The following LRRC51 variants were observed in gnomAD, a reference collection of about 807,000 sequenced individuals.
The protein encoded by LRRC51 is leucine-rich repeat-containing protein 51.
In LRRC51, 8 loss-of-function variants were observed where a neutral mutation model predicts 17.8. That is an observed-to-expected ratio of 0.45 (90% CI 0.26 to 0.81). The LOEUF is 0.81. LRRC51 is among the 30% of genes least tolerant of loss of function. The pLI, the probability that LRRC51 is intolerant of heterozygous loss-of-function variation, is 0.17. For missense variants in LRRC51, 233 were observed against 239.3 expected (o/e 0.97, Z 0.17); for synonymous variants, 92 against 96.0 (o/e 0.96, Z 0.24).
At chr11:72,088,596 G>A (rs970551437) in intron 2 of LRRC51, 4 of 590,506 alleles carry the variant, frequency 6.8e-6, no homozygotes, top group African/African-American at 3.7e-5. Context: ...GATTTGTTAA[G>A]CAATAGAATA....
At chr11:72,086,667 T>A (rs984889532) in intron 1 of LRRC51, among the ~76,000 whole-genome samples, 2 of 152,230 alleles carry the variant, frequency 1.3e-5, no homozygotes, top group Admixed American at 1.3e-4. Flanking sequence ...TGGGGCTCCA[T>A]TTTTAATACT....
chr11:72,086,895 G>T (rs1055563136), intron 1 of LRRC51, among the ~76,000 whole-genome samples: 1 of 152,198 alleles, frequency 6.6e-6, no homozygotes, highest in Non-Finnish European at 1.5e-5. Context: ...CAAATCTGCT[G>T]TAGGTGCTGA....
At chr11:72,082,306 G>T (rs186171957) in intron 1 of LRRC51, among the ~76,000 whole-genome samples, 4 of 152,180 alleles carry the variant, frequency 2.6e-5, no homozygotes, top group Non-Finnish European at 5.9e-5. Flanking sequence ...TGACTAGCTG[G>T]CCCTGACTGG....
At chr11:72,081,874 C>G (rs1261184115) in intron 1 of LRRC51, among the ~76,000 whole-genome samples, 4 of 152,156 alleles carry the variant, frequency 2.6e-5, no homozygotes, top group African/African-American at 9.7e-5. Context: ...TTTTGATACT[C>G]TTAACAGCTC....
At chr11:72,081,437 GAAACAAAACAA>G (rs1565309944) in intron 1 of LRRC51, among the ~76,000 whole-genome samples, 2 of 151,902 alleles carry the variant, frequency 1.3e-5, no homozygotes, top group Admixed American at 6.6e-5. Context: ...AAAACAAAAC[GAAACAAAACAA>G]AAACAAAACA....
chr11:72,090,638 A>G (rs986626164), intron 3 of LRRC51, among the ~76,000 whole-genome samples: 2 of 152,194 alleles, frequency 1.3e-5, no homozygotes, highest in Non-Finnish European at 2.9e-5. Flanking sequence ...GGGATACAAT[A>G]GAGTTTGGGG....
At chr11:72,088,902 A>G (rs1591144380) in intron 2 of LRRC51, 127 bp from the exon 3 acceptor site, 4 of 1,105,954 alleles carry the variant, frequency 3.6e-6, no homozygotes, top group Non-Finnish European at 5.2e-6. Flanking sequence ...GAGTGATTTC[A>G]TATCTTAAAA....
rs952533163 is a variant in LRRC51, at chr11:72,080,868, G to C, written c.-157G>C. 5 of 152,488 alleles carry C rather than the reference G, an allele frequency of 3.3e-5. No individual in the cohort carries two copies. 9.4% of individuals were successfully genotyped at this position (152,488 alleles called of 1,614,324 possible). On this transcript the variant is annotated 5_prime_UTR_variant, in exon 1 of 6. Coordinates refer to ENST00000289488, the MANE Select transcript of LRRC51 (RefSeq NM_145309.6). ...CTGAGGCAGTGGGACGCCAAGACTG[G>C]AGAGGAAGCGACTGCGGGTGAGTCG...
chr11:72,096,688 T>A lies in LRRC51; in HGVS notation c.*1168T>A. Reference sequence around the variant, plus strand: ...ACTTTTCAGCTTAGAGATTTGGGGGTTAAAGTAGATCAGTAATTTCCAAAC... The same window carrying A: ...ACTTTTCAGCTTAGAGATTTGGGGGATAAAGTAGATCAGTAATTTCCAAAC... On this transcript the variant is annotated 3_prime_UTR_variant, in exon 6 of 6. Coordinates refer to ENST00000289488, the MANE Select transcript of LRRC51 (RefSeq NM_145309.6). 1 of 1,547,686 alleles carries A rather than the reference T, an allele frequency of 6.5e-7. No individual in the cohort carries two copies. The highest frequency in any genetic ancestry group is 1.2e-5 in the South Asian group (1 of 83,284).
chr11:72,095,225 G>A, intron 5 of LRRC51, 129 bp downstream of exon 5: 1 of 1,562,220 alleles, frequency 6.4e-7, no homozygotes, highest in Non-Finnish European at 8.7e-7. Context: ...AGACCTCTAA[G>A]CATTCCTTGC....
At chr11:72,084,050 G>A (rs1369776973) in intron 1 of LRRC51, among the ~76,000 whole-genome samples, 1 of 152,196 alleles carries the variant, frequency 6.6e-6, no homozygotes, top group Non-Finnish European at 1.5e-5. Context: ...AGACTGGAGT[G>A]CAGTGGCACA....
At chr11:72,083,623 A>G (rs576749983) in intron 1 of LRRC51, 30 of 152,356 alleles carry the variant, frequency 2.0e-4, no homozygotes, top group Non-Finnish European at 3.7e-4. Flanking sequence ...ACAGATAGTA[A>G]GCAGATAATT....
At chr11:72,087,783 T>C (rs1017228341) in intron 1 of LRRC51, among the ~76,000 whole-genome samples, 1 of 152,246 alleles carries the variant, frequency 6.6e-6, no homozygotes, top group Non-Finnish European at 1.5e-5. Context: ...ACATATTGAA[T>C]GATTTTTTGA....
rs147106961 is a variant in LRRC51, at chr11:72,095,405, G to C, written c.464G>C (p.Arg155Pro). 1 of 1,614,078 alleles carries C rather than the reference G, an allele frequency of 6.2e-7. No individual in the cohort carries two copies. The highest frequency in any genetic ancestry group is 8.5e-7 in the Non-Finnish European group (1 of 1,180,016). ...CAATATGTGCTGTGCACCCTGTCCCGTATCACCACGTTCGACTTCAGTGGG... is the reference window on the plus strand; with the variant it reads ...CAATATGTGCTGTGCACCCTGTCCCCTATCACCACGTTCGACTTCAGTGGG... Reference protein sequence around the residue: ...YRQYVLCTLSRITTFDFSGVT... With the variant: ...YRQYVLCTLSPITTFDFSGVT... The change falls in exon 6 of 6, where the codon CGT becomes CCT. Residue 155 changes from arginine (R) to proline (P), a missense_variant. Coordinates refer to ENST00000289488, the MANE Select transcript of LRRC51 (RefSeq NM_145309.6).
At chr11:72,089,189 C>G in intron 3 of LRRC51, 24 bp downstream of exon 3, 1 of 1,614,098 alleles carries the variant, frequency 6.2e-7, no homozygotes. Flanking sequence ...GCACAGTACT[C>G]CACTCACTAA....
At chr11:72,087,834 CTTCAT>C (rs1322701690) in intron 1 of LRRC51, among the ~76,000 whole-genome samples, 13 of 152,138 alleles carry the variant, frequency 8.5e-5, no homozygotes, top group African/African-American at 3.1e-4. Context: ...AATTTCACCA[CTTCAT>C]TTTACTTATT....
chr11:72,086,962 G>C (rs1481396493), intron 1 of LRRC51, among the ~76,000 whole-genome samples: 1 of 152,164 alleles, frequency 6.6e-6, no homozygotes, highest in East Asian at 1.9e-4. Flanking sequence ...AGACAGCCAG[G>C]TTCCTCTATT....
chr11:72,088,610 C>G (rs1944676815), intron 2 of LRRC51: 2 of 583,690 alleles, frequency 3.4e-6, no homozygotes, highest in Non-Finnish European at 3.0e-6. Context: ...TAGAATAGCC[C>G]AGTTGATGTC....
intron 2 of LRRC51, 47 bp from the exon 3 acceptor site, chr11:72,088,982 C>CG: frequency 6.2e-7 from 1 of 1,603,386 alleles, no homozygotes; most frequent in Non-Finnish European, 8.5e-7. Flanking sequence ...ATGGGGAAAC[C>CG]TGAAAGCCGG....
Sources: gnomAD v4.1 joint callset for allele counts (sites outside exome capture counted in the v4.1 genomes callset) on GRCh38, gnomAD v4.1.1 for gene constraint, MANE v1.5 for transcripts, NCBI Gene and HGNC (gene_info 2026-07-23, HGNC 2026-07-21) for gene names.